The following RAPGEF2 variants were observed in gnomAD, a reference collection of about 807,000 sequenced individuals.
RAPGEF2 encodes PDZ domain containing guanine nucleotide exchange factor (GEF) 1.
A neutral mutation model predicts 186.7 loss-of-function variants in RAPGEF2; 54 were observed. The ratio of observed to expected loss-of-function variants is 0.29; its 90% CI spans 0.23 to 0.36. The LOEUF is 0.36. Among genes scored for constraint, RAPGEF2 ranks in the 10% least tolerant of loss-of-function variants. The pLI is 1.00. For synonymous variants in RAPGEF2, 712 were observed against 705.9 expected (o/e 1.01, Z -0.14); for missense variants, 1,532 against 2,045.0 (o/e 0.75, Z 4.84).
intron 1 of RAPGEF2, among the ~76,000 whole-genome samples, chr4:159,141,422 C>T (rs867803072): frequency 1.3e-5 from 2 of 151,962 alleles, no homozygotes; most frequent in Non-Finnish European, 2.9e-5. Context: ...TTAGCAGTCC[C>T]GAAGGATGAA....
At chr4:159,268,112 T>G in intron 7 of RAPGEF2, 1 of 1,606,790 alleles carries the variant, frequency 6.2e-7, no homozygotes, top group Non-Finnish European at 8.5e-7. Context: ...CGTGAGAGAT[T>G]GGTACATGAT....
intron 22 of RAPGEF2, 37 bp from the exon 23 acceptor site, chr4:159,343,999 A>ACACC (rs753843358): frequency 3.9e-6 from 6 of 1,524,272 alleles, no homozygotes; most frequent in Non-Finnish European, 5.5e-6. Context: ...CTCTCTTTCT[A>ACACC]CACCCATGCT....
intron 23 of RAPGEF2, 110 bp downstream of exon 23, chr4:159,344,169 T>A: frequency 8.5e-7 from 1 of 1,181,850 alleles, no homozygotes; most frequent in Non-Finnish European, 1.3e-6. Context: ...TTTTTTTCCT[T>A]AACCCTCGTG....
chr4:159,224,306 A>G (rs76292575), intron 4 of RAPGEF2, among the ~76,000 whole-genome samples: 3,762 of 152,352 alleles, frequency 0.025, 150 homozygotes, highest in African/African-American at 0.086. Context: ...GTCAGAACAT[A>G]AAGTAATTTT....
chr4:159,295,776 T>TGCGCGC (rs1761941495), intron 7 of RAPGEF2, among the ~76,000 whole-genome samples: 1 of 142,616 alleles, frequency 7.0e-6, no homozygotes. Flanking sequence ...CGCGCGCGCA[T>TGCGCGC]GCACATAATG....
chr4:159,310,876 GA>G (rs1398243005), intron 8 of RAPGEF2, among the ~76,000 whole-genome samples: 1 of 152,112 alleles, frequency 6.6e-6, no homozygotes, highest in Non-Finnish European at 1.5e-5. Flanking sequence ...TTGTTATTTG[GA>G]GGAAGCTAGA....
chr4:159,339,831 A>G (rs965989622), intron 19 of RAPGEF2, among the ~76,000 whole-genome samples: 28 of 152,338 alleles, frequency 1.8e-4, no homozygotes, highest in African/African-American at 6.5e-4. Flanking sequence ...CATCTGTGAC[A>G]ATGTGGTTGG....
At chr4:159,334,320 C>G (rs1169867431) in intron 17 of RAPGEF2, among the ~76,000 whole-genome samples, 1 of 152,138 alleles carries the variant, frequency 6.6e-6, no homozygotes, top group Non-Finnish European at 1.5e-5. Flanking sequence ...CTGTGATCTG[C>G]TCACTGCAAC....
At chr4:159,148,842 T>C (rs1031228182) in intron 1 of RAPGEF2, among the ~76,000 whole-genome samples, 9 of 152,252 alleles carry the variant, frequency 5.9e-5, no homozygotes, top group Non-Finnish European at 1.0e-4. Flanking sequence ...TTTATGTAAT[T>C]TCTTTTTGTA....
At chr4:159,345,989 T>G (rs546559189) in intron 24 of RAPGEF2, among the ~76,000 whole-genome samples, 1 of 152,252 alleles carries the variant, frequency 6.6e-6, no homozygotes, top group South Asian at 2.1e-4. Context: ...TTGAGAAGAT[T>G]TGGATTATTA....
At chr4:159,221,498 A>G (rs73859104) in intron 4 of RAPGEF2, among the ~76,000 whole-genome samples, 2,647 of 152,220 alleles carry the variant, frequency 0.017, 92 homozygotes, top group African/African-American at 0.06. Context: ...ACTTCAGGCC[A>G]CCCAGGATCC....
At chr4:159,250,672 T>C (rs1387600425) in intron 7 of RAPGEF2, among the ~76,000 whole-genome samples, 3 of 147,442 alleles carry the variant, frequency 2.0e-5, no homozygotes, top group South Asian at 2.1e-4. Flanking sequence ...CTTCTTTTTT[T>C]TTTTTTTTTT....
intron 1 of RAPGEF2, among the ~76,000 whole-genome samples, chr4:159,165,124 CAGTTGAATAA>C (rs1745165279): frequency 2.0e-5 from 3 of 151,998 alleles, no homozygotes; most frequent in South Asian, 4.1e-4. Flanking sequence ...AATATGACAT[CAGTTGAATAA>C]AGCCAGCTGT....
chr4:159,262,739 A>G (rs1485742361), intron 7 of RAPGEF2, among the ~76,000 whole-genome samples: 3 of 152,138 alleles, frequency 2.0e-5, no homozygotes, highest in Non-Finnish European at 4.4e-5. Flanking sequence ...TAGTTGCCAC[A>G]TAATTTTCGT....
At chr4:159,127,009 T>G (rs1157268565) in intron 1 of RAPGEF2, among the ~76,000 whole-genome samples, 1 of 152,094 alleles carries the variant, frequency 6.6e-6, no homozygotes, top group Non-Finnish European at 1.5e-5. Flanking sequence ...AACATTTGTT[T>G]ATTTGCATTT....
At chr4:159,138,298 TA>T (rs1286324170) in intron 1 of RAPGEF2, among the ~76,000 whole-genome samples, 1 of 152,250 alleles carries the variant, frequency 6.6e-6, no homozygotes, top group Non-Finnish European at 1.5e-5. Flanking sequence ...TGATATAGAC[TA>T]TTTTTCCTTT....
chr4:159,328,526 C>A (rs1219366300), intron 11 of RAPGEF2: 1 of 152,106 alleles, frequency 6.6e-6, no homozygotes, highest in African/African-American at 2.4e-5. Flanking sequence ...ATATGCTGTT[C>A]CTCTTATGAA....
intron 1 of RAPGEF2, among the ~76,000 whole-genome samples, chr4:159,171,608 T>C (rs753015822): frequency 1.3e-5 from 2 of 152,166 alleles, no homozygotes; most frequent in Non-Finnish European, 2.9e-5. Flanking sequence ...TTTGCAAATT[T>C]TTCGTTCTAT....
intron 17 of RAPGEF2, among the ~76,000 whole-genome samples, chr4:159,335,692 G>A (rs188942766): frequency 2.0e-3 from 301 of 152,152 alleles, no homozygotes; most frequent in Non-Finnish European, 3.4e-3. Flanking sequence ...AACATTAGCC[G>A]GGCATGGTGG....
Sources: gnomAD v4.1 joint callset for allele counts (sites outside exome capture counted in the v4.1 genomes callset) on GRCh38, gnomAD v4.1.1 for gene constraint, MANE v1.5 for transcripts, NCBI Gene and HGNC (gene_info 2026-07-23, HGNC 2026-07-21) for gene names.